Variants in CALN1 observed in about 807,000 individuals in gnomAD.
The protein encoded by CALN1 is calcium-binding protein 8.
Under a neutral mutation model 30.6 loss-of-function variants are expected in CALN1, and 17 were observed. The ratio of observed to expected loss-of-function variants is 0.56; its 90% CI spans 0.38 to 0.83. The LOEUF is 0.83. CALN1 is among the 40% of genes least tolerant of loss of function. CALN1 has a pLI of 0.00. For missense variants in CALN1, 291 were observed against 354.9 expected (o/e 0.82, Z 1.45); for synonymous variants, 156 against 131.4 (o/e 1.19, Z -1.28).
chr7:72,123,721 C>G (rs994374173), intron 3 of CALN1, among the ~76,000 whole-genome samples: 1 of 152,154 alleles, frequency 6.6e-6, no homozygotes, highest in Non-Finnish European at 1.5e-5. Flanking sequence ...GTCCATTTGG[C>G]CTTCCTGATA....
At chr7:72,064,593 T>G (rs797001610) in intron 4 of CALN1, among the ~76,000 whole-genome samples, 3 of 152,312 alleles carry the variant, frequency 2.0e-5, no homozygotes, top group African/African-American at 7.2e-5. Flanking sequence ...TTGCAACAAC[T>G]ATTATTTTAA....
intron 5 of CALN1, among the ~76,000 whole-genome samples, chr7:71,886,559 G>A (rs1464006148): frequency 1.3e-5 from 2 of 152,236 alleles, no homozygotes; most frequent in East Asian, 3.9e-4. Flanking sequence ...GATCATCTGA[G>A]GTCAGGAGTT....
At chr7:72,079,290 C>T (rs1804958688) in intron 4 of CALN1, among the ~76,000 whole-genome samples, 1 of 152,104 alleles carries the variant, frequency 6.6e-6, no homozygotes, top group South Asian at 2.1e-4. Flanking sequence ...AAAGAACCTA[C>T]TTCCTAGGGT....
chr7:72,287,622 A>ATT (rs1273503718), intron 2 of CALN1, among the ~76,000 whole-genome samples: 1 of 151,322 alleles, frequency 6.6e-6, no homozygotes, highest in Non-Finnish European at 1.5e-5. Flanking sequence ...AATTTTTTGT[A>ATT]TTTTTAGTAG....
chr7:71,887,124 G>C (rs1792957901), intron 5 of CALN1, among the ~76,000 whole-genome samples: 1 of 152,100 alleles, frequency 6.6e-6, no homozygotes, highest in Admixed American at 6.5e-5. Flanking sequence ...AGCGCCGAGG[G>C]ATTTTGTGCG....
At chr7:71,985,987 T>A (rs1798652285) in intron 5 of CALN1, among the ~76,000 whole-genome samples, 2 of 152,132 alleles carry the variant, frequency 1.3e-5, no homozygotes, top group Admixed American at 6.5e-5. Context: ...TTGATGATGG[T>A]ATAATGAAAT....
At chr7:71,963,720 C>T (rs111845619) in intron 5 of CALN1, among the ~76,000 whole-genome samples, 2,333 of 152,248 alleles carry the variant, frequency 0.015, 52 homozygotes, top group African/African-American at 0.051. Flanking sequence ...AATACTGATA[C>T]ATGTACTGCA....
chr7:72,232,225 T>C (rs2129550682), intron 3 of CALN1, among the ~76,000 whole-genome samples: 1 of 152,202 alleles, frequency 6.6e-6, no homozygotes, highest in Non-Finnish European at 1.5e-5. Context: ...GCCAAGAGCT[T>C]AGAACTGCAG....
At chr7:72,156,570 T>C (rs537293795) in intron 3 of CALN1, among the ~76,000 whole-genome samples, 18 of 152,274 alleles carry the variant, frequency 1.2e-4, no homozygotes, top group Admixed American at 1.0e-3. Flanking sequence ...GAGCCATCCC[T>C]TGGGGAAGGG....
chr7:71,905,752 A>AT (rs2116969183), intron 5 of CALN1, among the ~76,000 whole-genome samples: 1 of 152,206 alleles, frequency 6.6e-6, no homozygotes, highest in African/African-American at 2.4e-5. Flanking sequence ...ATGCATCATT[A>AT]TAAAAAAAAT....
chr7:72,363,986 C>CA (rs1444112571), intron 2 of CALN1, among the ~76,000 whole-genome samples: 13 of 151,862 alleles, frequency 8.6e-5, no homozygotes, highest in Admixed American at 8.5e-4. Context: ...CTGCCTGTCT[C>CA]AGTCTCTCAA....
chr7:72,328,203 T>C (rs1274267387), intron 2 of CALN1, among the ~76,000 whole-genome samples: 3 of 152,166 alleles, frequency 2.0e-5, no homozygotes, highest in Non-Finnish European at 4.4e-5. Context: ...AAACATGTAA[T>C]ACAGTTTGGC....
chr7:71,939,508 G>A (rs1206426471), intron 5 of CALN1, among the ~76,000 whole-genome samples: 1 of 151,790 alleles, frequency 6.6e-6, no homozygotes, highest in Admixed American at 6.6e-5. Flanking sequence ...GGGAGGCAGA[G>A]GTTGCAGCAA....
At chr7:72,440,362 C>T (rs1808309828) in intron 1 of CALN1, among the ~76,000 whole-genome samples, 1 of 152,152 alleles carries the variant, frequency 6.6e-6, no homozygotes, top group South Asian at 2.1e-4. Flanking sequence ...AAGTTCTGAT[C>T]AGATTAGAGG....
chr7:72,485,095 A>T, the CALN1 span, among the ~76,000 whole-genome samples: 104 of 152,156 alleles, frequency 6.8e-4, 1 homozygote, highest in East Asian at 9.7e-3. Context: ...ACAAAAAAAA[A>T]TTTTTTTTAA....
At chr7:71,902,263 ACC>A (rs1554373607) in intron 5 of CALN1, among the ~76,000 whole-genome samples, 1 of 73,720 alleles carries the variant, frequency 1.4e-5, no homozygotes. Context: ...CAACCAACCA[ACC>A]AATCAAAAAA....
chr7:71,990,441 G>A (rs1301271161), intron 5 of CALN1, among the ~76,000 whole-genome samples: 1 of 151,952 alleles, frequency 6.6e-6, no homozygotes, highest in Admixed American at 6.6e-5. Flanking sequence ...CTCTGCCTGT[G>A]GTGTAGCCAT....
intron 2 of CALN1, chr7:72,337,153 C>T (rs745538336): frequency 2.6e-4 from 259 of 985,252 alleles, no homozygotes; most frequent in Non-Finnish European, 3.0e-4. Context: ...GTTGCGCGCC[C>T]TAGAAACTCC....
chr7:72,380,099 T>A (rs1164424682), intron 2 of CALN1, among the ~76,000 whole-genome samples: 1 of 152,202 alleles, frequency 6.6e-6, no homozygotes. Context: ...GTGCACATTG[T>A]TTTTTATTAA....
Sources: allele counts gnomAD v4.1 joint callset (sites outside exome capture counted in the v4.1 genomes callset), GRCh38; gene constraint gnomAD v4.1.1; transcripts MANE v1.5; gene names NCBI Gene and HGNC (gene_info 2026-07-23, HGNC 2026-07-21).